Variants in DCC observed in about 807,000 individuals in gnomAD.
DCC encodes DCC netrin 1 receptor, also known as netrin receptor DCC.
DCC carries 58 observed loss-of-function variants against 172.5 expected under a neutral mutation model. The ratio of observed to expected loss-of-function variants is 0.34; its 90% CI spans 0.27 to 0.42. The LOEUF is 0.42. DCC is among the 10% of genes least tolerant of loss of function. The pLI is 1.00. For synonymous variants in DCC, 709 were observed against 644.5 expected, an observed-to-expected ratio of 1.10 and a Z score of -1.52; for missense variants, 1,740 against 1,791.0, an observed-to-expected ratio of 0.97 and a Z score of 0.51.
intron 9 of DCC, among the ~76,000 whole-genome samples, chr18:53,200,800 A>G (rs2055525555): frequency 6.6e-6 from 1 of 152,138 alleles, no homozygotes; most frequent in African/African-American, 2.4e-5. Context: ...CAGACCATAC[A>G]CAGCCCCTAC....
intron 1 of DCC, among the ~76,000 whole-genome samples, chr18:52,610,634 C>A (rs1236652520): frequency 6.6e-6 from 1 of 151,872 alleles, no homozygotes; most frequent in African/African-American, 2.4e-5. Flanking sequence ...AGCCTTTCTC[C>A]TAAAGGATCA....
intron 1 of DCC, among the ~76,000 whole-genome samples, chr18:52,682,576 C>T (rs1473376820): frequency 6.6e-6 from 1 of 152,026 alleles, no homozygotes; most frequent in Non-Finnish European, 1.5e-5. Context: ...GTCATACATT[C>T]CTTATTTCAC....
chr18:52,375,668 A>T (rs75117057), intron 1 of DCC, among the ~76,000 whole-genome samples: 2,960 of 152,288 alleles, frequency 0.019, 36 homozygotes, highest in Non-Finnish European at 0.028. Context: ...GTCTTGTCTC[A>T]CAATTTTAAA....
rs184540379 is a variant in DCC, at chr18:53,298,079, T to A, written c.1912-7499T>A. On this transcript the variant is annotated intron_variant, in intron 12 of 28. Coordinates refer to ENST00000442544, the MANE Select transcript of DCC (RefSeq NM_005215.4). ...ATGTGGGAATAATTTAAGCGATCAC[T>A]GGAAATCCTCAAATGTGATAAAGAA... 5.9e-5 allele frequency among the ~76,000 whole-genome samples: 9 copies of A among 152,306 alleles called. No homozygotes were observed. The East Asian group carries it at 1.4e-3, about 23-fold the overall frequency.
intron 15 of DCC, among the ~76,000 whole-genome samples, chr18:53,381,571 A>G (rs111848009): frequency 4.0e-5 from 3 of 75,846 alleles, no homozygotes; most frequent in Admixed American, 1.7e-4. Flanking sequence ...CCCCCCCCCC[A>G]CCACCACCTT....
At chr18:53,439,302 G>A (rs1475036700) in intron 22 of DCC, among the ~76,000 whole-genome samples, 2 of 152,190 alleles carry the variant, frequency 1.3e-5, no homozygotes, top group Non-Finnish European at 2.9e-5. Context: ...TGTTTTCCAA[G>A]TAGATGTGCA....
At chr18:52,819,624 C>A (rs1418086440) in intron 2 of DCC, among the ~76,000 whole-genome samples, 2 of 152,088 alleles carry the variant, frequency 1.3e-5, no homozygotes, top group South Asian at 4.1e-4. Flanking sequence ...CTCTTATAAT[C>A]CAGACGTCAG....
At chr18:52,628,568 T>A (rs1311069331) in intron 1 of DCC, among the ~76,000 whole-genome samples, 1 of 152,178 alleles carries the variant, frequency 6.6e-6, no homozygotes, top group Non-Finnish European at 1.5e-5. Flanking sequence ...GGCTTGTAGG[T>A]CAATTATAGG....
intron 12 of DCC, among the ~76,000 whole-genome samples, chr18:53,240,047 A>C (rs1011698636): frequency 6.7e-6 from 1 of 149,286 alleles, no homozygotes; most frequent in African/African-American, 2.4e-5. Flanking sequence ...AAAAAAAAAA[A>C]AAACAACAAA....
At chr18:53,182,778 C>T (rs2055215675) in intron 9 of DCC, among the ~76,000 whole-genome samples, 1 of 152,168 alleles carries the variant, frequency 6.6e-6, no homozygotes, top group Middle Eastern at 3.4e-3. Flanking sequence ...ACCAGAGATC[C>T]TATGGTTCCT....
At chr18:53,104,208 C>G (rs2043212533) in intron 7 of DCC, among the ~76,000 whole-genome samples, 1 of 151,962 alleles carries the variant, frequency 6.6e-6, no homozygotes, top group Non-Finnish European at 1.5e-5. Flanking sequence ...TACATCATTT[C>G]TCAGAATCTT....
intron 12 of DCC, among the ~76,000 whole-genome samples, chr18:53,245,302 A>C (rs2056352614): frequency 6.6e-6 from 1 of 152,132 alleles, no homozygotes; most frequent in African/African-American, 2.4e-5. Context: ...CGATAAAATA[A>C]AGTTTGAGAA....
rs184437782 is a variant in DCC at position 52,776,501 on chromosome 18, C to T, written c.412+24127C>T. On this transcript the variant is annotated intron_variant, in intron 2 of 28. Coordinates refer to ENST00000442544, the MANE Select transcript of DCC (RefSeq NM_005215.4). The stretch of plus-strand genomic sequence containing the variant: ...ATTAGGTCAAGAGTTCTAGAGTATC[C>T]GGGTAGCAAGAAAACCAGAAAAGAT... Among the ~76,000 whole-genome samples, 586 of 152,024 alleles carry T rather than the reference C, an allele frequency of 3.9e-3. 7 individuals are homozygous for T. The highest frequency in any genetic ancestry group is 3.3e-3 in the South Asian group (16 of 4,806).
intron 27 of DCC, among the ~76,000 whole-genome samples, chr18:53,507,462 G>A (rs2046195037): frequency 6.6e-6 from 1 of 152,170 alleles, no homozygotes; most frequent in South Asian, 2.1e-4. Context: ...TACTAGCAGG[G>A]ACTTATAAAC....
chr18:53,426,433 ATAT>A (rs201284301), intron 21 of DCC, among the ~76,000 whole-genome samples: 4 of 87,268 alleles, frequency 4.6e-5, no homozygotes, highest in African/African-American at 6.4e-5. Context: ...TTATATATTT[ATAT>A]TATTTATATA....
chr18:53,191,164 C>T (rs1180685718), intron 9 of DCC, among the ~76,000 whole-genome samples: 1 of 152,148 alleles, frequency 6.6e-6, no homozygotes, highest in Admixed American at 6.5e-5. Flanking sequence ...ATTACTACTT[C>T]TATTCTTCAG....
intron 1 of DCC, among the ~76,000 whole-genome samples, chr18:52,364,296 A>G (rs2144277725): frequency 6.6e-6 from 1 of 152,332 alleles, no homozygotes; most frequent in Admixed American, 6.5e-5. Context: ...TATCTTATTT[A>G]CCAAAGAAAA....
intron 2 of DCC, among the ~76,000 whole-genome samples, chr18:52,825,900 T>G (rs938979881): frequency 6.6e-6 from 1 of 152,222 alleles, no homozygotes; most frequent in African/African-American, 2.4e-5. Flanking sequence ...TAAACTGTGA[T>G]GACTTATAGT....
intron 5 of DCC, chr18:52,941,124 AAAT>A (rs1268509869): frequency 1.3e-5 from 2 of 152,220 alleles, no homozygotes; most frequent in African/African-American, 4.8e-5. Flanking sequence ...CTTGTTCAAC[AAAT>A]TCAAGAATAC....
Sources: gnomAD v4.1 joint callset for allele counts (sites outside exome capture counted in the v4.1 genomes callset) on GRCh38, gnomAD v4.1.1 for gene constraint, MANE v1.5 for transcripts, NCBI Gene and HGNC (gene_info 2026-07-23, HGNC 2026-07-21) for gene names.